Variants in LRRFIP1 observed in about 807,000 individuals in gnomAD.
LRRFIP1 encodes the protein LRR binding FLII interacting protein 1, also known as leucine-rich repeat flightless-interacting protein 1.
LRRFIP1 carries 62 observed loss-of-function variants against 104.4 expected under a neutral mutation model. That is an observed-to-expected ratio of 0.59 (90% CI 0.48 to 0.73). LRRFIP1 has a LOEUF of 0.73. Among genes scored for constraint, LRRFIP1 ranks in the 30% least tolerant of loss-of-function variants. The pLI is 0.00. For synonymous variants in LRRFIP1, 300 were observed against 299.0 expected (o/e 1.00, Z -0.03); for missense variants, 796 against 824.5 (o/e 0.97, Z 0.42).
At chr2:237,652,928 A>G (rs1168113389) in intron 1 of LRRFIP1, among the ~76,000 whole-genome samples, 1 of 152,190 alleles carries the variant, frequency 6.6e-6, no homozygotes, top group African/African-American at 2.4e-5. Context: ...ATGGGAGGTA[A>G]TTGGATCATG....
chr2:237,696,691 C>T (rs1038842669), intron 1 of LRRFIP1, among the ~76,000 whole-genome samples: 1 of 152,226 alleles, frequency 6.6e-6, no homozygotes, highest in African/African-American at 2.4e-5. Context: ...CAGTTCAGAC[C>T]CAGGCCTGCT....
intron 19 of LRRFIP1, chr2:237,763,929 G>C: frequency 6.2e-7 from 1 of 1,614,264 alleles, no homozygotes; most frequent in Non-Finnish European, 8.5e-7. Context: ...CAGGACATTA[G>C]TGATGCCTGT....
chr2:237,762,426 A>G (rs1211569150), intron 19 of LRRFIP1, among the ~76,000 whole-genome samples: 1 of 152,152 alleles, frequency 6.6e-6, no homozygotes, highest in African/African-American at 2.4e-5. Context: ...AAAATTTACT[A>G]ATGCAACTGC....
chr2:237,678,908 C>T (rs1394733986), intron 1 of LRRFIP1, among the ~76,000 whole-genome samples: 1 of 152,140 alleles, frequency 6.6e-6, no homozygotes, highest in African/African-American at 2.4e-5. Context: ...TCAATAGCAA[C>T]TCATTTAATC....
chr2:237,715,959 C>T (rs1394975251), intron 3 of LRRFIP1, among the ~76,000 whole-genome samples: 1 of 152,052 alleles, frequency 6.6e-6, no homozygotes, highest in Non-Finnish European at 1.5e-5. Flanking sequence ...CACCCATGAA[C>T]GAGGTGAAAG....
intron 17 of LRRFIP1, 121 bp from the exon 18 acceptor site, chr2:237,758,608 T>G (rs2059544838): frequency 1.5e-6 from 1 of 653,616 alleles, no homozygotes; most frequent in African/African-American, 1.8e-5. Context: ...CAGAGTCTCT[T>G]TAATGTCTAG....
chr2:237,660,043 T>G (rs1227998010), intron 1 of LRRFIP1, among the ~76,000 whole-genome samples: 1 of 152,194 alleles, frequency 6.6e-6, no homozygotes, highest in African/African-American at 2.4e-5. Flanking sequence ...ATTAAAATAT[T>G]TATAAAGGCA....
intron 7 of LRRFIP1, 66 bp downstream of exon 7, chr2:237,723,652 G>T: frequency 6.3e-7 from 1 of 1,579,896 alleles, no homozygotes; most frequent in African/African-American, 1.3e-5. Context: ...ATAACCTGTG[G>T]TATTTCCACG....
intron 1 of LRRFIP1, among the ~76,000 whole-genome samples, chr2:237,666,033 G>A (rs919563312): frequency 5.3e-5 from 8 of 152,238 alleles, no homozygotes; most frequent in African/African-American, 1.9e-4. Context: ...ATGGACTCTG[G>A]CATGGACGGC....
intron 23 of LRRFIP1, among the ~76,000 whole-genome samples, chr2:237,777,721 C>G (rs1346416030): frequency 6.6e-6 from 1 of 151,966 alleles, no homozygotes; most frequent in Non-Finnish European, 1.5e-5. Context: ...TCTGTGAAGT[C>G]TTTTTAAAAA....
chr2:237,692,507 G>C (rs1033712180), intron 1 of LRRFIP1: 16 of 1,531,630 alleles, frequency 1.0e-5, no homozygotes, highest in Non-Finnish European at 1.3e-5. Context: ...TTTGAGCCCG[G>C]AAGCGCAGAA....
intron 1 of LRRFIP1, among the ~76,000 whole-genome samples, chr2:237,642,465 G>A (rs941675031): frequency 4.6e-5 from 7 of 151,878 alleles, no homozygotes; most frequent in South Asian, 2.1e-4. Context: ...CCAGGTTCCA[G>A]GCTGAGGGTT....
At chr2:237,694,782 C>G (rs571582969) in intron 1 of LRRFIP1, among the ~76,000 whole-genome samples, 24 of 152,346 alleles carry the variant, frequency 1.6e-4, no homozygotes, top group Non-Finnish European at 2.5e-4. Flanking sequence ...AGGAGAGGGT[C>G]CGATGCGGAC....
At chr2:237,664,011 C>T (rs2088642437) in intron 1 of LRRFIP1, among the ~76,000 whole-genome samples, 1 of 152,090 alleles carries the variant, frequency 6.6e-6, no homozygotes, top group Non-Finnish European at 1.5e-5. Context: ...AAGGGTCGCC[C>T]TCAGGGCACT....
At position 237,760,046 on chromosome 2, in the gene LRRFIP1, G is replaced by A. The variant is rs773067817; in HGVS notation, c.1318-18G>A. ...TATCACTGAGTAAATATTACGATGA[G>A]CCTATTTTTGTTCCCAGAAACATGG... On this transcript the variant is annotated intron_variant, in intron 18 of 23. Coordinates refer to ENST00000308482, the MANE Select transcript of LRRFIP1 (RefSeq NM_001137550.2). 11 of 1,610,876 alleles carry A rather than the reference G, an allele frequency of 6.8e-6. No homozygotes were observed. Among genetic ancestry groups the A allele is most frequent in the Non-Finnish European group, 9.3e-6 (11 of 1,177,468 alleles).
chr2:237,740,159 G>A (rs753436495), intron 11 of LRRFIP1, among the ~76,000 whole-genome samples: 6 of 151,826 alleles, frequency 4.0e-5, no homozygotes, highest in Admixed American at 6.6e-5. Context: ...TAATCCCAGC[G>A]TCATGGGAGG....
intron 21 of LRRFIP1, 115 bp from the exon 22 acceptor site, chr2:237,772,751 A>G: frequency 1.4e-6 from 1 of 734,168 alleles, no homozygotes; most frequent in South Asian, 1.7e-5. Flanking sequence ...GCAGGGCCAG[A>G]ACTAACAGAT....
intron 13 of LRRFIP1, 27 bp from the exon 14 acceptor site, chr2:237,751,172 CA>C (rs1459696528): frequency 6.5e-7 from 1 of 1,549,150 alleles, no homozygotes; most frequent in East Asian, 2.3e-5. Flanking sequence ...CCCTTGACAT[CA>C]TCTGCCTTTT....
At chr2:237,643,649 G>A (rs769608128) in intron 1 of LRRFIP1, among the ~76,000 whole-genome samples, 3 of 152,178 alleles carry the variant, frequency 2.0e-5, no homozygotes, top group South Asian at 2.1e-4. Context: ...CCCCCAGCCC[G>A]GTGGGTCTGC....
Sources: gnomAD v4.1 joint callset for allele counts (sites outside exome capture counted in the v4.1 genomes callset) on GRCh38, gnomAD v4.1.1 for gene constraint, MANE v1.5 for transcripts, NCBI Gene and HGNC (gene_info 2026-07-23, HGNC 2026-07-21) for gene names.